Variants in KCNH7 observed in about 807,000 individuals in gnomAD.
KCNH7 encodes the protein voltage-gated inwardly rectifying potassium channel KCNH7.
In KCNH7, 49 loss-of-function variants were observed where a neutral mutation model predicts 120.8. The ratio of observed to expected loss-of-function variants is 0.41; its 90% confidence interval spans 0.32 to 0.51. The LOEUF (loss-of-function observed/expected upper bound fraction) is 0.51, where lower values mean the gene tolerates loss of function less well. Ranked by LOEUF, KCNH7 falls within the 20% of genes least tolerant of loss-of-function variation. The pLI, the probability that KCNH7 is intolerant of heterozygous loss-of-function variation, is 0.38. For synonymous variants in KCNH7, 547 were observed against 516.1 expected (o/e 1.06, Z -0.81); for missense variants, 1,097 against 1,446.6 (o/e 0.76, Z 3.92).
intron 4 of KCNH7, among the ~76,000 whole-genome samples, chr2:162,516,398 A>G (rs1389273312): frequency 6.6e-6 from 1 of 151,774 alleles, no homozygotes; most frequent in Non-Finnish European, 1.5e-5. Context: ...AGCAGGGAAG[A>G]GTATTCCAGG....
At chr2:162,388,673 C>CT (rs1235136708) in intron 12 of KCNH7, among the ~76,000 whole-genome samples, 1 of 151,862 alleles carries the variant, frequency 6.6e-6, no homozygotes, top group Non-Finnish European at 1.5e-5. Context: ...AGAATTATCA[C>CT]TATTCTATAA....
intron 5 of KCNH7, among the ~76,000 whole-genome samples, chr2:162,507,458 G>A (rs1400965765): frequency 1.3e-5 from 2 of 151,554 alleles, no homozygotes; most frequent in Non-Finnish European, 3.0e-5. Flanking sequence ...TCTTTGGGTT[G>A]GCTGTTGGTT....
intron 2 of KCNH7, among the ~76,000 whole-genome samples, chr2:162,580,335 A>T (rs1227562927): frequency 1.3e-5 from 2 of 152,080 alleles, no homozygotes; most frequent in Non-Finnish European, 2.9e-5. Context: ...ATCCTTCAGG[A>T]AGATATATTT....
intron 2 of KCNH7, among the ~76,000 whole-genome samples, chr2:162,680,979 T>A (rs1023286685): frequency 2.0e-5 from 3 of 151,738 alleles, no homozygotes; most frequent in African/African-American, 4.8e-5. Flanking sequence ...ATATATAAAA[T>A]CCTTTTTATT....
At chr2:162,748,927 T>TTTCCCTTCCTTCCTTCC (rs1688435707) in intron 2 of KCNH7, among the ~76,000 whole-genome samples, 1 of 27,842 alleles carries the variant, frequency 3.6e-5, no homozygotes, top group African/African-American at 2.3e-4. Context: ...TTCCCTTTCC[T>TTTCCCTTCCTTCCTTCC]TTCCTTCCTT....
intron 13 of KCNH7, among the ~76,000 whole-genome samples, chr2:162,381,454 A>C (rs1258868552): frequency 6.6e-6 from 1 of 152,082 alleles, no homozygotes; most frequent in Non-Finnish European, 1.5e-5. Flanking sequence ...TAGAAGACAG[A>C]CATGTCTGTA....
At chr2:162,805,941 A>C (rs1287719048) in intron 2 of KCNH7, among the ~76,000 whole-genome samples, 1 of 151,694 alleles carries the variant, frequency 6.6e-6, no homozygotes, top group Non-Finnish European at 1.5e-5. Context: ...GGCAACTTGG[A>C]TGGAGCTGGA....
chr2:162,410,837 CAT>C (rs1186596527), intron 9 of KCNH7, among the ~76,000 whole-genome samples: 7 of 151,978 alleles, frequency 4.6e-5, no homozygotes, highest in Admixed American at 1.3e-4. Context: ...GGCCAAGAAA[CAT>C]ATGAAAAAAT....
At chr2:162,629,034 C>A (rs949076747) in intron 2 of KCNH7, among the ~76,000 whole-genome samples, 2 of 152,032 alleles carry the variant, frequency 1.3e-5, no homozygotes, top group East Asian at 1.9e-4. Context: ...AATGCCACCC[C>A]CACCCACACC....
At chr2:162,659,735 G>C (rs1574232914) in intron 2 of KCNH7, among the ~76,000 whole-genome samples, 1 of 152,080 alleles carries the variant, frequency 6.6e-6, no homozygotes, top group East Asian at 1.9e-4. Context: ...AAAAGATATT[G>C]GTCTCTAGTT....
intron 2 of KCNH7, 62 bp downstream of exon 2, chr2:162,836,475 A>G: frequency 1.5e-6 from 2 of 1,324,108 alleles, no homozygotes; most frequent in Non-Finnish European, 2.1e-6. Context: ...ATGAACTTTT[A>G]ATAGTCAAAA....
intron 2 of KCNH7, among the ~76,000 whole-genome samples, chr2:162,820,525 G>C (rs1685084230): frequency 6.6e-6 from 1 of 152,014 alleles, no homozygotes; most frequent in Admixed American, 6.6e-5. Context: ...CACATACAAT[G>C]ACCTCAACAT....
intron 12 of KCNH7, among the ~76,000 whole-genome samples, chr2:162,393,196 G>C (rs1392764603): frequency 6.6e-6 from 1 of 151,974 alleles, no homozygotes; most frequent in Non-Finnish European, 1.5e-5. Context: ...ATCTGCAGAG[G>C]CATGGGAATT....
intron 3 of KCNH7, among the ~76,000 whole-genome samples, chr2:162,519,046 T>G (rs1691425959): frequency 6.6e-6 from 1 of 151,808 alleles, no homozygotes; most frequent in South Asian, 2.1e-4. Flanking sequence ...TTTTCTAGTC[T>G]TCAATTTTGC....
chr2:162,601,358 T>C (rs1159818235), intron 2 of KCNH7, among the ~76,000 whole-genome samples: 2 of 150,326 alleles, frequency 1.3e-5, no homozygotes, highest in Non-Finnish European at 3.0e-5. Flanking sequence ...ATATATTGTA[T>C]CTGTTCTGAC....
intron 8 of KCNH7, among the ~76,000 whole-genome samples, chr2:162,429,141 A>G (rs554301356): frequency 6.6e-6 from 1 of 151,884 alleles, no homozygotes; most frequent in African/African-American, 2.4e-5. Flanking sequence ...CTATAGTTGT[A>G]GGATTTATAA....
chr2:162,614,346 A>G (rs1311156005), intron 2 of KCNH7, among the ~76,000 whole-genome samples: 1 of 152,104 alleles, frequency 6.6e-6, no homozygotes, highest in African/African-American at 2.4e-5. Context: ...ACACTTGTCC[A>G]CAAACCACAC....
chr2:162,710,462 G>C (rs1362729073), intron 2 of KCNH7, among the ~76,000 whole-genome samples: 4 of 152,152 alleles, frequency 2.6e-5, no homozygotes, highest in Non-Finnish European at 4.4e-5. Context: ...ACACTGTGCA[G>C]CAGAATTGCA....
At position 162,487,474 on chromosome 2, in the gene KCNH7, G is replaced by T. The variant is rs911961185; in HGVS notation, c.1128+16969C>A. 7.2e-5 allele frequency among the ~76,000 whole-genome samples: 11 copies of T among 152,068 alleles called. No homozygotes were observed. The South Asian group carries it at 8.3e-4, about 11-fold the overall frequency. On this transcript the variant is annotated intron_variant, in intron 6 of 15. Transcript: ENST00000332142. ...CTGATATATTTAATTTTGGTGGGGG[G>T]TGAGTGGGGAGGAGGGAGAGGGAGA...
Sources: gnomAD v4.1 joint callset for allele counts (sites outside exome capture counted in the v4.1 genomes callset) on GRCh38, gnomAD v4.1.1 for gene constraint, MANE v1.5 for transcripts, NCBI Gene and HGNC (gene_info 2026-07-23, HGNC 2026-07-21) for gene names.